RTN4RL1: variants seen among roughly 807,000 people sequenced by gnomAD.
RTN4RL1 encodes reticulon-4 receptor-like 1.
A neutral mutation model predicts 25.6 loss-of-function variants in RTN4RL1; 7 were observed. The observed-to-expected ratio is 0.27, with a 90% CI of 0.16 to 0.51. RTN4RL1 has a LOEUF of 0.51. RTN4RL1 is among the 20% of genes least tolerant of loss of function. The pLI is 0.97. For missense variants in RTN4RL1, 500 were observed against 615.6 expected (o/e 0.81, Z 1.99); for synonymous variants, 297 against 288.2 (o/e 1.03, Z -0.31).
At chr17:1,968,266 C>T (rs991534037) in intron 1 of RTN4RL1, among the ~76,000 whole-genome samples, 4 of 152,208 alleles carry the variant, frequency 2.6e-5, no homozygotes, top group Non-Finnish European at 5.9e-5. Context: ...CCGTCCAAAC[C>T]CTTTCCCTCT....
chr17:1,960,076 G>T (rs1915865136), intron 1 of RTN4RL1, among the ~76,000 whole-genome samples: 1 of 152,178 alleles, frequency 6.6e-6, no homozygotes, highest in Non-Finnish European at 1.5e-5. Flanking sequence ...AGCTGGAAAT[G>T]CAGGTGTTAT....
intron 1 of RTN4RL1, among the ~76,000 whole-genome samples, chr17:1,945,286 G>A (rs148886712): frequency 0.014 from 2,201 of 152,240 alleles, 55 homozygotes; most frequent in African/African-American, 0.05. Context: ...GCAGTGGCAC[G>A]ATCTCAGCTC....
In RTN4RL1 at chr17:2,025,037, G is replaced by A. The variant is rs1597266209; in HGVS notation, c.-172C>T. 1 of 549,558 alleles carries A rather than the reference G, an allele frequency of 1.8e-6. No individual in the cohort carries two copies. The allele number at this position is 549,558 out of a possible 1,614,324, so 34.0% of individuals were successfully genotyped here. On this transcript the variant is annotated 5_prime_UTR_variant, in exon 1 of 2. Coordinates refer to ENST00000331238, the MANE Select transcript of RTN4RL1 (RefSeq NM_178568.4). The surrounding 1 kb of genome is among the most constrained non-coding windows in gnomAD (Gnocchi z 4.8). ...CCCCGCAGGGGCATGGTGAGCTCCAGCCCCGCGCCGAGGGCACCGGCGCCC... is the reference window on the plus strand; with the variant it reads ...CCCCGCAGGGGCATGGTGAGCTCCAACCCCGCGCCGAGGGCACCGGCGCCC...
intron 1 of RTN4RL1, among the ~76,000 whole-genome samples, chr17:1,966,601 G>A (rs2066792466): frequency 1.3e-5 from 2 of 152,130 alleles, no homozygotes; most frequent in Non-Finnish European, 2.9e-5. Flanking sequence ...GGGAAGGGCA[G>A]TCTCTGTCTT....
At chr17:1,960,659 T>C (rs1597495969) in intron 1 of RTN4RL1, among the ~76,000 whole-genome samples, 1 of 152,212 alleles carries the variant, frequency 6.6e-6, no homozygotes, top group South Asian at 2.1e-4. Context: ...GCTCAGAACG[T>C]TTTCCTCACC....
intron 1 of RTN4RL1, 88 bp from the exon 2 acceptor site, chr17:1,937,896 C>T (rs1567846918): frequency 9.5e-7 from 1 of 1,057,678 alleles, no homozygotes. Flanking sequence ...AGGACGCATC[C>T]TCGTCTTGGC....
chr17:1,958,201 CA>C (rs1366791639), intron 1 of RTN4RL1, among the ~76,000 whole-genome samples: 2 of 152,010 alleles, frequency 1.3e-5, no homozygotes, highest in Non-Finnish European at 2.9e-5. Context: ...AAAACAAAAA[CA>C]AAAATAAAAC....
At chr17:1,997,918 C>G (rs552589902) in intron 1 of RTN4RL1, among the ~76,000 whole-genome samples, 183 of 152,334 alleles carry the variant, frequency 1.2e-3, no homozygotes, top group African/African-American at 4.2e-3. Flanking sequence ...GGGGCCGGCG[C>G]GCTCCTCGCA....
At chr17:1,990,416 C>G (rs997867715) in intron 1 of RTN4RL1, among the ~76,000 whole-genome samples, 1 of 151,992 alleles carries the variant, frequency 6.6e-6, no homozygotes, top group Non-Finnish European at 1.5e-5. Flanking sequence ...TTCTTGTAGG[C>G]CGGGCATGGT....
At chr17:1,995,043 C>T (rs549777914) in intron 1 of RTN4RL1, among the ~76,000 whole-genome samples, 1 of 152,256 alleles carries the variant, frequency 6.6e-6, no homozygotes, top group East Asian at 1.9e-4. Context: ...CTTACAGGGG[C>T]CCTGGGACCA....
intron 1 of RTN4RL1, among the ~76,000 whole-genome samples, chr17:1,952,217 T>C (rs1038438670): frequency 6.6e-6 from 1 of 151,990 alleles, no homozygotes; most frequent in African/African-American, 2.4e-5. Context: ...CCAGGGGAGT[T>C]TGGGGAATAG....
intron 1 of RTN4RL1, among the ~76,000 whole-genome samples, chr17:1,942,731 G>T (rs4265862): frequency 1.3e-5 from 2 of 152,026 alleles, no homozygotes; most frequent in Non-Finnish European, 2.9e-5. Context: ...CAGCTCAGGC[G>T]GGTGGCCTGA....
chr17:1,938,244 T>G (rs1056361249), intron 1 of RTN4RL1, among the ~76,000 whole-genome samples: 1 of 152,222 alleles, frequency 6.6e-6, no homozygotes, highest in Non-Finnish European at 1.5e-5. Context: ...TGCTCTAATG[T>G]AGTAAATATC....
rs765195768 is a variant in RTN4RL1 at position 1,936,872 on chromosome 17, G to T, written c.950C>A (p.Thr317Lys). Residue 317 changes from threonine (T) to lysine (K), a missense_variant, in exon 2 of 2, where the codon ACG becomes AAG. This residue lies in a region of RTN4RL1 where 268 missense variants were observed against 274.5 expected (regional missense o/e 0.98). Transcript: ENST00000331238. ...PASPHQIKSH[T>K]LTTTDRAARK... is the part of the protein sequence containing the mutation. ...GGCGGCCCTGTCGGTGGTGGTGAGCGTGTGTGACTTGATCTGGTGCGGGGA... is the reference window on the plus strand; with the variant it reads ...GGCGGCCCTGTCGGTGGTGGTGAGCTTGTGTGACTTGATCTGGTGCGGGGA... 1.9e-6 allele frequency: 3 copies of T among 1,598,490 alleles called. No individual in the cohort carries two copies. The highest frequency in any genetic ancestry group is 1.7e-5 in the Admixed American group (1 of 57,746).
chr17:2,011,498 G>A (rs1306461702), intron 1 of RTN4RL1, among the ~76,000 whole-genome samples: 1 of 152,160 alleles, frequency 6.6e-6, no homozygotes, highest in Non-Finnish European at 1.5e-5. Flanking sequence ...AGGCCGTGCT[G>A]GAGAGCAAGG....
chr17:2,005,031 G>A (rs1449122422), intron 1 of RTN4RL1, among the ~76,000 whole-genome samples: 2 of 152,124 alleles, frequency 1.3e-5, no homozygotes, highest in Non-Finnish European at 2.9e-5. Context: ...TTTGAGGCAG[G>A]GTCTGGCTCT....
chr17:1,999,134 GCTC>G (rs780384943), intron 1 of RTN4RL1, among the ~76,000 whole-genome samples: 5 of 109,850 alleles, frequency 4.6e-5, no homozygotes, highest in African/African-American at 8.5e-5. Flanking sequence ...CTGAATGTGT[GCTC>G]ATCATACACA....
At position 1,937,452 on chromosome 17, in the gene RTN4RL1, G is replaced by C. The variant is rs372074978; in HGVS notation, c.370C>G (p.Leu124Val). The C allele has an allele frequency of 2.9e-5, 46 of 1,613,856 alleles. No homozygotes were observed. Among genetic ancestry groups the C allele is most frequent in the Non-Finnish European group, 3.8e-5 (45 of 1,179,904 alleles). Residue 124 changes from leucine to valine, a missense_variant, in exon 2 of 2, where the codon CTG becomes GTG. Coordinates refer to ENST00000331238, the MANE Select transcript of RTN4RL1 (RefSeq NM_178568.4). The part of the protein sequence containing the change: ...RTLAPETFQG[L>V]VKLHALYLYK... ...AGGTAGAGGGCGTGAAGCTTCACCAGGCCCTGGAAGGTCTCGGGTGCCAGC... is the reference window on the plus strand; with the variant it reads ...AGGTAGAGGGCGTGAAGCTTCACCACGCCCTGGAAGGTCTCGGGTGCCAGC...
chr17:1,990,929 C>T (rs1339067304), intron 1 of RTN4RL1, among the ~76,000 whole-genome samples: 1 of 152,156 alleles, frequency 6.6e-6, no homozygotes, highest in Non-Finnish European at 1.5e-5. Flanking sequence ...CCACCCTTTC[C>T]TGCATGTGTA....
Sources: gnomAD v4.1 joint callset for allele counts (sites outside exome capture counted in the v4.1 genomes callset) on GRCh38, gnomAD v4.1.1 for gene constraint, gnomAD v4.1.1 regional missense constraint, Gnocchi (gnomAD v3.1) non-coding constraint, MANE v1.5 for transcripts, NCBI Gene and HGNC (gene_info 2026-07-23, HGNC 2026-07-21) for gene names.